Variants in NQO2 observed in about 807,000 individuals in gnomAD.
The protein encoded by NQO2 is ribosyldihydronicotinamide dehydrogenase [quinone].
A neutral mutation model predicts 22.0 loss-of-function variants in NQO2; 18 were observed. That is an observed-to-expected ratio of 0.82 (90% CI 0.56 to 1.21). The LOEUF (loss-of-function observed/expected upper bound fraction) is 1.21, where lower values mean the gene tolerates loss of function less well. Ranked by LOEUF, NQO2 falls within the 50% of genes most tolerant of loss-of-function variation. The pLI, the probability that NQO2 is intolerant of heterozygous loss-of-function variation, is 0.00. For synonymous variants in NQO2, 106 were observed against 110.8 expected, an observed-to-expected ratio of 0.96 and a Z score of 0.28; for missense variants, 267 against 286.9, an observed-to-expected ratio of 0.93 and a Z score of 0.50.
intron 1 of NQO2, chr6:3,004,552 C>A: frequency 2.0e-6 from 2 of 985,606 alleles, no homozygotes; most frequent in Non-Finnish European, 2.4e-6. Context: ...TTGCAGTATT[C>A]TGCAGACCCC....
At position 3,006,902 on chromosome 6, in the gene NQO2, G is replaced by T; in HGVS notation, c.7+343G>T. Reference sequence around the variant, plus strand: ...GAAATTCTCCCTGGGCTGTAGCAGGGGCTCAAGTGAATGAACCCCAGGAGG... The same window carrying T: ...GAAATTCTCCCTGGGCTGTAGCAGGTGCTCAAGTGAATGAACCCCAGGAGG... On this transcript the variant is annotated intron_variant, in intron 2 of 6. Transcript: ENST00000380455. The surrounding 1 kb of genome is among the most constrained non-coding windows in gnomAD (Gnocchi z 4.0). The T allele has an allele frequency of 2.4e-6, 1 of 411,178 alleles. No individual in the cohort carries two copies. Among genetic ancestry groups the T allele is most frequent in the Non-Finnish European group, 4.3e-6 (1 of 233,326 alleles). The allele number at this position is 411,178 out of a possible 1,614,324, so 25.5% of individuals were successfully genotyped here. A position where few individuals can be genotyped will look rare whatever the true frequency, so the allele number is the denominator to read the frequency against.
chr6:3,004,493 A>G, intron 1 of NQO2: 4 of 985,870 alleles, frequency 4.1e-6, no homozygotes, highest in Non-Finnish European at 4.8e-6. Context: ...TTCCATCCAC[A>G]GGGCACCTGG....
At chr6:3,008,785 A>G (rs1165763145) in intron 2 of NQO2, among the ~76,000 whole-genome samples, 1 of 152,190 alleles carries the variant, frequency 6.6e-6, no homozygotes, top group African/African-American at 2.4e-5. Flanking sequence ...GAGACATCAC[A>G]TGTCGGCAGG....
Position 3,019,527 on chromosome 6 carries a change from A to G in NQO2, c.568A>G (p.Ser190Gly), listed in dbSNP as rs770132997. Residue 190 changes from serine to glycine, a missense_variant, in exon 7 of 7, where the codon AGC (serine) becomes GGC (glycine). Ser to Gly is a moderately conservative substitution (Grantham distance 56, BLOSUM62 0). Transcript: ENST00000380455. The stretch of plus-strand genomic sequence containing the variant: ...ATTTAAAGTCCTTGCCCCTCAGATC[A>G]GCTTTGCTCCTGAAATTGCATCCGA... ...CGFKVLAPQISFAPEIASEEE... is the reference protein window; with the variant it reads ...CGFKVLAPQIGFAPEIASEEE... 6.2e-7 allele frequency: 1 copy of G among 1,614,200 alleles called. No individual in the cohort carries two copies. The highest frequency in any genetic ancestry group is 1.1e-5 in the South Asian group (1 of 91,082).
intron 5 of NQO2, among the ~76,000 whole-genome samples, chr6:3,016,430 C>CAAAAAAAAAAAAAAAAAAAAAAA (rs36118697): frequency 1.1e-4 from 9 of 85,696 alleles, no homozygotes; most frequent in African/African-American, 4.3e-4. Context: ...GACTCTGTCT[C>CAAAAAAAAAAAAAAAAAAAAAAA]AAAAAAAAAA....
Position 3,015,397 on chromosome 6 carries a change from G to A in NQO2, c.304-133G>A, listed in dbSNP as rs560453805. The A allele has an allele frequency of 1.7e-5, 25 of 1,472,230 alleles. No homozygotes were observed. The South Asian group carries it at 2.5e-4, about 15-fold the overall frequency. The allele number at this position is 1,472,230 out of a possible 1,614,324, so 91.2% of individuals were successfully genotyped here. On this transcript the variant is annotated intron_variant, in intron 4 of 6. Transcript: ENST00000380455. Reference sequence around the variant, plus strand: ...CTGCACCTTTCAGAGCTGACCATAAGGGTTACCCTCACCTGCCCAGCTGCC... The same window carrying A: ...CTGCACCTTTCAGAGCTGACCATAAAGGTTACCCTCACCTGCCCAGCTGCC...
intron 1 of NQO2, among the ~76,000 whole-genome samples, chr6:3,001,753 A>G (rs1756737506): frequency 6.6e-6 from 1 of 152,212 alleles, no homozygotes; most frequent in Admixed American, 6.5e-5. Flanking sequence ...CACGTCAAAA[A>G]TATCAGAGCC....
At chr6:3,015,756 T>C in intron 5 of NQO2, 113 bp downstream of exon 5, 1 of 995,492 alleles carries the variant, frequency 1.0e-6, no homozygotes, top group Non-Finnish European at 1.5e-6. Flanking sequence ...AAATATCGAT[T>C]GAGCACCCAC....
chr6:3,011,810 C>G (rs1757145134), intron 3 of NQO2, among the ~76,000 whole-genome samples: 1 of 152,118 alleles, frequency 6.6e-6, no homozygotes, highest in Non-Finnish European at 1.5e-5. Flanking sequence ...AACTGTCAAC[C>G]AAGAATACTG....
intron 1 of NQO2, among the ~76,000 whole-genome samples, chr6:3,000,849 TTTC>T (rs1756666192): frequency 6.9e-6 from 1 of 144,632 alleles, no homozygotes; most frequent in South Asian, 2.2e-4. Context: ...CTTTTTCTTT[TTTC>T]TTTTTTTTTT....
Position 3,006,296 on chromosome 6 carries a change from C to T in NQO2, c.-85-172C>T, listed in dbSNP as rs148010915. 112 of 980,136 alleles carry T rather than the reference C, an allele frequency of 1.1e-4. No homozygotes were observed. The East Asian group carries it at 3.3e-3, about 29-fold the overall frequency. The allele number at this position is 980,136 out of a possible 1,614,324, so 60.7% of individuals were successfully genotyped here. A position where few individuals can be genotyped will look rare whatever the true frequency, so the allele number is the denominator to read the frequency against. Reference sequence around the variant, plus strand: ...AAAAAGTATGGGTTTTGACATCCTGCGTGGCTTGTCCTCTGAGGCCTAAAT... The same window carrying T: ...AAAAAGTATGGGTTTTGACATCCTGTGTGGCTTGTCCTCTGAGGCCTAAAT... On this transcript the variant is annotated intron_variant, in intron 1 of 6. Coordinates refer to ENST00000380455, the MANE Select transcript of NQO2 (RefSeq NM_000904.6). This position sits in a 1 kb window ranked among gnomAD's most constrained non-coding sequence, Gnocchi z 4.0.
intron 1 of NQO2, chr6:3,005,652 G>C (rs531587275): frequency 1.0e-6 from 1 of 985,286 alleles, no homozygotes; most frequent in African/African-American, 1.7e-5. Flanking sequence ...GGGTTTGTTG[G>C]AGTCTCCTTG....
intron 3 of NQO2, among the ~76,000 whole-genome samples, chr6:3,010,693 G>T (rs1215755725): frequency 2.0e-4 from 30 of 152,162 alleles, no homozygotes; most frequent in Admixed American, 2.0e-3. Context: ...CCCCAGCCCT[G>T]GAAACTCTGA....
intron 6 of NQO2, among the ~76,000 whole-genome samples, chr6:3,018,374 G>A (rs547034411): frequency 3.9e-5 from 6 of 152,204 alleles, no homozygotes; most frequent in Non-Finnish European, 7.4e-5. Flanking sequence ...GTGTGGTGGC[G>A]GACACCTGTA....
intron 6 of NQO2, 53 bp downstream of exon 6, chr6:3,017,038 A>ACACACATG: frequency 1.3e-6 from 2 of 1,586,398 alleles, no homozygotes; most frequent in Non-Finnish European, 1.7e-6. Flanking sequence ...ACACACAGAC[A>ACACACATG]CACACATGCA....
chr6:3,016,054 T>G (rs911620682), intron 5 of NQO2, among the ~76,000 whole-genome samples: 1 of 152,172 alleles, frequency 6.6e-6, no homozygotes, highest in African/African-American at 2.4e-5. Flanking sequence ...GAAAAGACCA[T>G]GCGACACCCA....
Position 3,016,969 on chromosome 6 carries a change from T to G in NQO2, c.503T>G (p.Phe168Cys), listed in dbSNP as rs147456631. Residue 168 changes from phenylalanine (F) to cysteine (C), a missense_variant, in exon 6 of 7, where the codon TTC becomes TGC. Transcript: ENST00000380455. ...KTGVNGDSRYFLWPLQHGTLH... is the reference protein window; with the variant it reads ...KTGVNGDSRYCLWPLQHGTLH... ...GGAGTCAATGGAGATTCTCGATACT[T>G]CCTGTGGCCACTCCAGGTAGACCAG... The G allele has an allele frequency of 2.9e-5, 46 of 1,613,798 alleles. No individual in the cohort carries two copies. The African/African-American group carries it at 6.1e-4, about 22-fold the overall frequency.
At chr6:3,003,847 C>T (rs1756830567) in intron 1 of NQO2, 7 of 618,946 alleles carry the variant, frequency 1.1e-5, no homozygotes, top group South Asian at 6.8e-5. Flanking sequence ...GCATGGCCCT[C>T]GCTACAGACT....
In NQO2 at chr6:3,010,042, G is replaced by A. The variant is rs1185712599; in HGVS notation, c.25G>A (p.Val9Ile). 6.2e-7 allele frequency: 1 copy of A among 1,613,474 alleles called. No homozygotes were observed. Among genetic ancestry groups the A allele is most frequent in the Non-Finnish European group, 8.5e-7 (1 of 1,179,850 alleles). MAGKKVLI[V>I]YAHQEPKSFN... ...TGATTTAGGTAAGAAAGTACTCATTGTCTATGCACACCAGGAACCCAAGTC... is the reference window on the plus strand; with the variant it reads ...TGATTTAGGTAAGAAAGTACTCATTATCTATGCACACCAGGAACCCAAGTC... The change falls in exon 3 of 7, where the codon GTC becomes ATC. Residue 9 changes from valine (V) to isoleucine (I), a missense_variant. Val to Ile is a conservative substitution (Grantham distance 29). Coordinates refer to ENST00000380455, the MANE Select transcript of NQO2 (RefSeq NM_000904.6).
Sources: allele counts gnomAD v4.1 joint callset (sites outside exome capture counted in the v4.1 genomes callset), GRCh38; gene constraint gnomAD v4.1.1; non-coding constraint Gnocchi (gnomAD v3.1); transcripts MANE v1.5; gene names NCBI Gene and HGNC (gene_info 2026-07-23, HGNC 2026-07-21).